KCND3: variants seen among roughly 807,000 people sequenced by gnomAD.
KCND3 encodes the protein A-type voltage-gated potassium channel KCND3.
In KCND3, 9 loss-of-function variants were observed where a neutral mutation model predicts 51.1. That is an observed-to-expected ratio of 0.18 (90% confidence interval 0.11 to 0.31). The LOEUF (loss-of-function observed/expected upper bound fraction) is 0.31. Ranked by LOEUF, KCND3 falls within the 10% of genes least tolerant of loss-of-function variation. The pLI is 1.00. For synonymous variants in KCND3, 349 were observed against 368.0 expected (o/e 0.95, Z 0.59); for missense variants, 526 against 903.8 (o/e 0.58, Z 5.36).
At chr1:111,917,042 C>T (rs1029717602) in intron 2 of KCND3, among the ~76,000 whole-genome samples, 4 of 152,078 alleles carry the variant, frequency 2.6e-5, no homozygotes, top group African/African-American at 9.7e-5. Context: ...TAAAAAAGAA[C>T]GCCCATATGA....
intron 2 of KCND3, among the ~76,000 whole-genome samples, chr1:111,957,335 C>T (rs751440796): frequency 1.3e-5 from 2 of 152,156 alleles, no homozygotes; most frequent in Non-Finnish European, 2.9e-5. Context: ...CGGCCCCACC[C>T]GAGGAACGTG....
chr1:111,829,457 C>T (rs1206865889), intron 2 of KCND3, among the ~76,000 whole-genome samples: 2 of 152,130 alleles, frequency 1.3e-5, no homozygotes, highest in African/African-American at 4.8e-5. Flanking sequence ...CAGGCTGAAC[C>T]TCAGGTTTCT....
intron 2 of KCND3, among the ~76,000 whole-genome samples, chr1:111,961,175 G>T (rs1673634574): frequency 6.6e-6 from 1 of 152,194 alleles, no homozygotes; most frequent in Admixed American, 6.5e-5. Context: ...CCACAGAGGG[G>T]CCTGTCCACC....
chr1:111,834,069 G>A (rs1038049102), intron 2 of KCND3, among the ~76,000 whole-genome samples: 2 of 152,178 alleles, frequency 1.3e-5, no homozygotes, highest in African/African-American at 2.4e-5. Context: ...ACTTGAAGAG[G>A]CCTAATGCCA....
chr1:111,912,758 C>T (rs950425055), intron 2 of KCND3, among the ~76,000 whole-genome samples: 1 of 152,170 alleles, frequency 6.6e-6, no homozygotes, highest in South Asian at 2.1e-4. Flanking sequence ...ACCCCAAAAC[C>T]CCCTTTTTTA....
At chr1:111,825,455 A>C (rs1026041000) in intron 2 of KCND3, among the ~76,000 whole-genome samples, 1 of 152,230 alleles carries the variant, frequency 6.6e-6, no homozygotes, top group Admixed American at 6.5e-5. Context: ...TGAAGCTTTA[A>C]GGATCCCTGA....
chr1:111,890,598 CAG>C (rs1438900835), intron 2 of KCND3, among the ~76,000 whole-genome samples: 2 of 152,072 alleles, frequency 1.3e-5, no homozygotes. Flanking sequence ...ATATAAATAC[CAG>C]AGTCTTAGCA....
At position 111,775,823 on chromosome 1, in the gene KCND3, C is replaced by CCCCCCCCCCCCCCCCCCT; in HGVS notation, c.*253_*254insAGGGGGGGGGGGGGGGGG. 6.8e-6 allele frequency: 1 copy of CCCCCCCCCCCCCCCCCCT among 146,682 alleles called. No individual in the cohort carries two copies. Among genetic ancestry groups the CCCCCCCCCCCCCCCCCCT allele is most frequent in the Non-Finnish European group, 1.5e-5 (1 of 67,986 alleles). 9.1% of individuals were successfully genotyped at this position (146,682 alleles called of 1,614,324 possible). A position where few individuals can be genotyped will look rare whatever the true frequency, so the allele number is the denominator to read the frequency against. ...ATATCCCCCGGCCTATCCCCGACCC[C>CCCCCCCCCCCCCCCCCCT]CCCACCCTCCCTCCCTTCCTCTGGC... On this transcript the variant is annotated 3_prime_UTR_variant, in exon 8 of 8. Coordinates refer to ENST00000302127, the MANE Select transcript of KCND3 (RefSeq NM_001378969.1).
chr1:111,834,248 G>T lies in KCND3; in HGVS notation c.1107-47142C>A, dbSNP rs111544766. ...ATAGATGCCCACTAGGATTTGGAGA[G>T]AATTTTCTTGTAAGGGGGAGATGTC... is the stretch of plus-strand genomic sequence containing the variant. On this transcript the variant is annotated intron_variant, in intron 2 of 7. Coordinates refer to ENST00000302127, the MANE Select transcript of KCND3 (RefSeq NM_001378969.1). Among the ~76,000 whole-genome samples, 321 of 152,338 alleles carry T rather than the reference G, an allele frequency of 2.1e-3. 1 individual carries two copies. Among genetic ancestry groups the T allele is most frequent in the South Asian group, 5.2e-3 (25 of 4,830 alleles).
intron 2 of KCND3, among the ~76,000 whole-genome samples, chr1:111,978,307 A>T (rs373855227): frequency 1.3e-5 from 2 of 152,190 alleles, no homozygotes; most frequent in East Asian, 1.9e-4. Context: ...AGCTGGAGAC[A>T]TTCCCGCTCC....
chr1:111,897,312 T>C (rs1401691625), intron 2 of KCND3, among the ~76,000 whole-genome samples: 3 of 152,242 alleles, frequency 2.0e-5, no homozygotes, highest in Non-Finnish European at 1.5e-5. Flanking sequence ...CCACCCTCTA[T>C]GGTTTGCCCT....
chr1:111,988,729 T>C (rs1675445080), intron 1 of KCND3: 1 of 152,148 alleles, frequency 6.6e-6, no homozygotes. Flanking sequence ...TCAGACGCTC[T>C]CTCTTAAGAA....
At chr1:111,847,592 T>C (rs1667614103) in intron 2 of KCND3, among the ~76,000 whole-genome samples, 1 of 151,968 alleles carries the variant, frequency 6.6e-6, no homozygotes, top group Non-Finnish European at 1.5e-5. Context: ...TGGGGCTGGG[T>C]GTATCAGTCC....
At chr1:111,878,211 A>G (rs1343358729) in intron 2 of KCND3, among the ~76,000 whole-genome samples, 1 of 152,230 alleles carries the variant, frequency 6.6e-6, no homozygotes, top group Non-Finnish European at 1.5e-5. Context: ...CTTTCAGACT[A>G]ACAGGCAGAG....
chr1:111,852,008 C>T (rs773640530), intron 2 of KCND3, among the ~76,000 whole-genome samples: 14 of 152,230 alleles, frequency 9.2e-5, no homozygotes, highest in Non-Finnish European at 1.9e-4. Context: ...TCTACAGCTG[C>T]CACTGTCTGG....
chr1:111,942,212 A>G (rs1672557474), intron 2 of KCND3, among the ~76,000 whole-genome samples: 1 of 152,230 alleles, frequency 6.6e-6, no homozygotes, highest in Non-Finnish European at 1.5e-5. Flanking sequence ...TCATCTATTC[A>G]TTCAAACACA....
At chr1:111,938,639 G>A (rs773644179) in intron 2 of KCND3, among the ~76,000 whole-genome samples, 10 of 152,188 alleles carry the variant, frequency 6.6e-5, no homozygotes, top group Non-Finnish European at 8.8e-5. Flanking sequence ...CTTGAAAGAA[G>A]TAAGGTTATC....
chr1:111,957,707 C>A (rs1007508743), intron 2 of KCND3, among the ~76,000 whole-genome samples: 2 of 152,190 alleles, frequency 1.3e-5, no homozygotes, highest in African/African-American at 4.8e-5. Flanking sequence ...GCCCTCTACT[C>A]TTTATGGCAA....
intron 2 of KCND3, among the ~76,000 whole-genome samples, chr1:111,919,624 C>A (rs1449944394): frequency 6.6e-6 from 1 of 152,100 alleles, no homozygotes; most frequent in East Asian, 1.9e-4. Flanking sequence ...CTCAATTTGT[C>A]CCTTACCAAA....
Sources: allele counts gnomAD v4.1 joint callset (sites outside exome capture counted in the v4.1 genomes callset), GRCh38; gene constraint gnomAD v4.1.1; transcripts MANE v1.5; gene names NCBI Gene and HGNC (gene_info 2026-07-23, HGNC 2026-07-21).